Variants in CALN1 observed in about 807,000 individuals in gnomAD.
CALN1 encodes the protein calcium-binding protein 8.
A neutral mutation model predicts 30.6 loss-of-function variants in CALN1; 17 were observed. The observed-to-expected ratio is 0.56, with a 90% CI of 0.38 to 0.83. CALN1 has a LOEUF of 0.83. Among genes scored for constraint, CALN1 ranks in the 40% least tolerant of loss-of-function variants. The pLI is 0.00. For missense variants in CALN1, 291 were observed against 354.9 expected, an observed-to-expected ratio of 0.82 and a Z score of 1.45; for synonymous variants, 156 against 131.4, an observed-to-expected ratio of 1.19 and a Z score of -1.28.
At chr7:72,116,050 C>G (rs1285098489) in intron 3 of CALN1, among the ~76,000 whole-genome samples, 1 of 152,040 alleles carries the variant, frequency 6.6e-6, no homozygotes, top group African/African-American at 2.4e-5. Flanking sequence ...GGACTACATC[C>G]TAGTTTTTAT....
Position 72,403,385 on chromosome 7 carries a change from A to T in CALN1, c.-16T>A. The T allele has an allele frequency of 6.5e-7, 1 of 1,536,410 alleles. No homozygotes were observed. The highest frequency in any genetic ancestry group is 8.8e-7 in the Non-Finnish European group (1 of 1,140,416). On this transcript the variant is annotated 5_prime_UTR_variant, in exon 2 of 7. Transcript: ENST00000395275. The stretch of plus-strand genomic sequence containing the variant: ...GCAGCCGCATCGGGGGTCCAGGGCG[A>T]TGTTCTCAGAGAGAGTTAGAAGCTC...
chr7:72,477,872 C>G, the CALN1 span, among the ~76,000 whole-genome samples: 279 of 152,250 alleles, frequency 1.8e-3, 5 homozygotes, highest in East Asian at 0.035. Flanking sequence ...TTGGGTTCTC[C>G]CAGGAATACT....
intron 4 of CALN1, among the ~76,000 whole-genome samples, chr7:72,027,753 AC>A: frequency 6.7e-6 from 1 of 148,808 alleles, no homozygotes; most frequent in African/African-American, 2.5e-5. Flanking sequence ...ACACACACAC[AC>A]ACACAAAAAC....
chr7:72,016,996 T>TCCAAAAAAAAAAAAAAAAAAAAAA (rs1800418071), intron 5 of CALN1, among the ~76,000 whole-genome samples: 1 of 26,564 alleles, frequency 3.8e-5, no homozygotes, highest in African/African-American at 3.5e-4. Flanking sequence ...TTACTAAAAA[T>TCCAAAAAAAAAAAAAAAAAAAAAA]ACAAAAAAAA....
chr7:71,964,580 G>C (rs1051944938), intron 5 of CALN1, among the ~76,000 whole-genome samples: 4 of 151,956 alleles, frequency 2.6e-5, no homozygotes, highest in African/African-American at 9.7e-5. Context: ...ATTTTCAAAA[G>C]AACAACCGGC....
the CALN1 span, among the ~76,000 whole-genome samples, chr7:72,467,759 G>A: frequency 6.6e-6 from 1 of 152,050 alleles, no homozygotes; most frequent in Non-Finnish European, 1.5e-5. Context: ...TTCACATGAT[G>A]AAATTGACCA....
intron 5 of CALN1, among the ~76,000 whole-genome samples, chr7:71,953,832 A>T (rs1336359706): frequency 1.3e-5 from 2 of 152,052 alleles, no homozygotes; most frequent in African/African-American, 4.8e-5. Flanking sequence ...ACAGGGGAAC[A>T]TAGGAGGCAC....
chr7:71,971,930 C>CAAAAAAAAAAA (rs764756514), intron 5 of CALN1, among the ~76,000 whole-genome samples: 1 of 38,550 alleles, frequency 2.6e-5, no homozygotes, highest in Non-Finnish European at 4.9e-5. Flanking sequence ...GACCCTGTCT[C>CAAAAAAAAAAA]AAAAAAAAAA....
chr7:72,427,069 A>G (rs1248032381), intron 1 of CALN1, among the ~76,000 whole-genome samples: 1 of 152,174 alleles, frequency 6.6e-6, no homozygotes, highest in Non-Finnish European at 1.5e-5. Flanking sequence ...TGCAGCCTCA[A>G]CTTTCTGGGA....
intron 2 of CALN1, among the ~76,000 whole-genome samples, chr7:72,350,174 G>A (rs566020370): frequency 1.2e-4 from 18 of 152,236 alleles, no homozygotes; most frequent in South Asian, 4.1e-4. Flanking sequence ...AGCCAGTTAT[G>A]CCAGTAATAT....
At chr7:72,304,297 G>T (rs992170949) in intron 2 of CALN1, among the ~76,000 whole-genome samples, 1 of 152,214 alleles carries the variant, frequency 6.6e-6, no homozygotes, top group Non-Finnish European at 1.5e-5. Flanking sequence ...TCTTTCAAAG[G>T]AGAGGATGGA....
chr7:72,345,711 G>A (rs1267005836), intron 2 of CALN1, among the ~76,000 whole-genome samples: 1 of 152,148 alleles, frequency 6.6e-6, no homozygotes, highest in Non-Finnish European at 1.5e-5. Context: ...TGAACCTTTT[G>A]AAATACTACA....
chr7:72,267,618 C>A (rs979792923), intron 3 of CALN1, among the ~76,000 whole-genome samples: 25 of 152,336 alleles, frequency 1.6e-4, no homozygotes, highest in African/African-American at 5.8e-4. Flanking sequence ...AGCCAGGTGG[C>A]AGCTTGAATC....
At position 72,143,626 on chromosome 7, in the gene CALN1, G is replaced by A. The variant is rs537631783; in HGVS notation, c.245-37332C>T. On this transcript the variant is annotated intron_variant, in intron 3 of 6. Transcript: ENST00000395275. Reference sequence around the variant, plus strand: ...TTCAAATTCAGGAAATACAGAGAACGCTACAAAGATACTCCTCGAGAAGAG... The same window carrying A: ...TTCAAATTCAGGAAATACAGAGAACACTACAAAGATACTCCTCGAGAAGAG... 5.3e-5 allele frequency among the ~76,000 whole-genome samples: 8 copies of A among 152,180 alleles called. No homozygotes were observed. In the South Asian group the frequency reaches 1.2e-3, roughly 24 times the overall value.
intron 3 of CALN1, among the ~76,000 whole-genome samples, chr7:72,174,715 T>G (rs549369595): frequency 2.6e-5 from 4 of 152,294 alleles, no homozygotes; most frequent in African/African-American, 9.6e-5. Flanking sequence ...ACTGTAGTGA[T>G]AGAATGCAGA....
intron 2 of CALN1, among the ~76,000 whole-genome samples, chr7:72,383,187 A>G (rs1002521563): frequency 2.0e-5 from 3 of 152,136 alleles, no homozygotes; most frequent in African/African-American, 4.8e-5. Context: ...GGTTGATTCC[A>G]TGTCTTTGCT....
intron 3 of CALN1, among the ~76,000 whole-genome samples, chr7:72,266,667 A>G (rs1474083020): frequency 1.3e-5 from 2 of 152,212 alleles, no homozygotes; most frequent in African/African-American, 2.4e-5. Flanking sequence ...AATATAAATT[A>G]CAAATTAATA....
chr7:72,027,829 G>A lies in CALN1; in HGVS notation c.389-4060C>T, dbSNP rs562987078. Among the ~76,000 whole-genome samples, 10 of 151,490 alleles carry A rather than the reference G, an allele frequency of 6.6e-5. No homozygotes were observed. In the East Asian group the frequency reaches 1.4e-3, roughly 21 times the overall value. ...TCCCAGCACTTTGGGAGGCCGAGGT[G>A]GGCGGATCACGAGGTCAGGAGATCG... is the stretch of plus-strand genomic sequence containing the variant. On this transcript the variant is annotated intron_variant, in intron 4 of 6. Coordinates refer to ENST00000395275, the MANE Select transcript of CALN1 (RefSeq NM_031468.4).
At chr7:72,081,648 C>G (rs971658764) in intron 4 of CALN1, among the ~76,000 whole-genome samples, 34 of 151,552 alleles carry the variant, frequency 2.2e-4, no homozygotes, top group Admixed American at 2.2e-3. Context: ...TTTCAAATTC[C>G]TAGGCTCACG....
Sources: allele counts gnomAD v4.1 joint callset (sites outside exome capture counted in the v4.1 genomes callset), GRCh38; gene constraint gnomAD v4.1.1; transcripts MANE v1.5; gene names NCBI Gene and HGNC (gene_info 2026-07-23, HGNC 2026-07-21).